The following PPP6R1 variants were observed in gnomAD, a reference collection of about 807,000 sequenced individuals.
PPP6R1 encodes the protein protein phosphatase 6 regulatory subunit 1.
PPP6R1 carries 39 observed loss-of-function variants against 104.6 expected under a neutral mutation model. The ratio of observed to expected loss-of-function variants is 0.37; its 90% CI spans 0.29 to 0.49. The LOEUF (loss-of-function observed/expected upper bound fraction) is 0.49. Ranked by LOEUF, PPP6R1 falls within the 20% of genes least tolerant of loss-of-function variation. PPP6R1 has a pLI of 0.98. For missense variants in PPP6R1, 1,181 were observed against 1,155.8 expected (o/e 1.02, Z -0.32); for synonymous variants, 549 against 479.0 (o/e 1.15, Z -1.91).
Position 55,231,893 on chromosome 19 carries a change from G to C in PPP6R1, c.2215C>G (p.Pro739Ala), listed in dbSNP as rs762539923. The C allele has an allele frequency of 1.3e-6, 2 of 1,516,972 alleles. No individual in the cohort carries two copies. The highest frequency in any genetic ancestry group is 1.4e-5 in the African/African-American group (1 of 72,216). The allele number at this position is 1,516,972 out of a possible 1,614,324, so 94.0% of individuals were successfully genotyped here. A position where few individuals can be genotyped will look rare whatever the true frequency, so the allele number is the denominator to read the frequency against. Reference protein sequence around the residue: ...VSGEEELHTGPPAPQGPLSVP... With the variant: ...VSGEEELHTGAPAPQGPLSVP... ...CTGAGGGGCCCCTGTGGGGCTGGAGGCCCAGTGTGCAGCTCTTCCTCCCCG... is the reference window on the plus strand; with the variant it reads ...CTGAGGGGCCCCTGTGGGGCTGGAGCCCCAGTGTGCAGCTCTTCCTCCCCG... Residue 739 changes from proline (P) to alanine (A), a missense_variant, in exon 19 of 24, where the codon CCT becomes GCT. Coordinates refer to ENST00000412770, the MANE Select transcript of PPP6R1 (RefSeq NM_014931.4).
chr19:55,250,837 A>C, intron 1 of PPP6R1, among the ~76,000 whole-genome samples: 1 of 149,704 alleles, frequency 6.7e-6, no homozygotes, highest in African/African-American at 2.5e-5. Context: ...GGCCCCCCAC[A>C]CTCGACCGCA....
At chr19:55,244,389 C>T (rs544716305) in intron 5 of PPP6R1, among the ~76,000 whole-genome samples, 4 of 152,308 alleles carry the variant, frequency 2.6e-5, no homozygotes, top group African/African-American at 9.6e-5. Flanking sequence ...GACATGGGGT[C>T]CCCCAGAGCT....
rs749712201 is a variant in PPP6R1 at position 55,241,739 on chromosome 19, C to G, written c.846-100G>C. ...CACGTCTGCAGGGTCTGGAGGAAAACGAGGAGCCACATGCCCCCAGCGCCG... is the reference window on the plus strand; with the variant it reads ...CACGTCTGCAGGGTCTGGAGGAAAAGGAGGAGCCACATGCCCCCAGCGCCG... On this transcript the variant is annotated intron_variant, in intron 7 of 23. Coordinates refer to ENST00000412770, the MANE Select transcript of PPP6R1 (RefSeq NM_014931.4). This position sits in a 1 kb window ranked among gnomAD's most constrained non-coding sequence, Gnocchi z 5.4. 1.5e-6 allele frequency: 2 copies of G among 1,365,576 alleles called. No individual in the cohort carries two copies. The highest frequency in any genetic ancestry group is 2.8e-5 in the Admixed American group (1 of 35,170). 84.6% of individuals were successfully genotyped at this position (1,365,576 alleles called of 1,614,324 possible). A position where few individuals can be genotyped will look rare whatever the true frequency, so the allele number is the denominator to read the frequency against.
At chr19:55,242,522 C>T (rs768839466) in intron 5 of PPP6R1, 34 bp from the exon 6 acceptor site, 44 of 1,558,268 alleles carry the variant, frequency 2.8e-5, no homozygotes, top group African/African-American at 1.8e-4. Flanking sequence ...GGATCCTGGT[C>T]GGGCCACCGG....
chr19:55,241,484 G>A lies in PPP6R1; in HGVS notation c.1001C>T (p.Pro334Leu), dbSNP rs778212958. 23 of 1,601,646 alleles carry A rather than the reference G, an allele frequency of 1.4e-5. No individual in the cohort carries two copies. Among genetic ancestry groups the A allele is most frequent in the Non-Finnish European group, 1.7e-5 (20 of 1,174,396 alleles). ...AGAACCCACACCCCTGACCTTGGGA[G>A]GCTCCAGCAGGAGCTGGTGGAAGCA... is the stretch of plus-strand genomic sequence containing the variant. ...LSCFHQLLLE[P>L]PKLEPLQMTW... The change falls in exon 8 of 24, where the codon CCT (proline) becomes CTT (leucine). Residue 334 changes from proline (P) to leucine (L), a missense_variant. Physicochemically the swap from Pro to Leu is moderately conservative, Grantham distance 98. This residue lies in a region of PPP6R1 where 1,042 missense variants were observed against 955.6 expected (regional missense o/e 1.09). Transcript: ENST00000412770. The surrounding 1 kb of genome is among the most constrained non-coding windows in gnomAD (Gnocchi z 5.4).
chr19:55,232,277 C>G, intron 17 of PPP6R1, 66 bp from the exon 18 acceptor site: 1 of 1,479,946 alleles, frequency 6.8e-7, no homozygotes, highest in Non-Finnish European at 9.0e-7. Context: ...ATCCTGTTCC[C>G]TGCAGCCCAG....
chr19:55,236,609 A>T (rs774630602), intron 17 of PPP6R1, 34 bp downstream of exon 17: 1 of 1,488,930 alleles, frequency 6.7e-7, no homozygotes, highest in South Asian at 1.4e-5. Context: ...CGTGTGGTGG[A>T]AGCTTGGAGA....
chr19:55,246,582 CAT>C (rs2087510635), intron 2 of PPP6R1, among the ~76,000 whole-genome samples: 1 of 152,224 alleles, frequency 6.6e-6, no homozygotes, highest in African/African-American at 2.4e-5. Context: ...CATGTCGTCA[CAT>C]GCCTGTGGTC....
At chr19:55,250,462 C>T (rs1362028865) in intron 1 of PPP6R1, among the ~76,000 whole-genome samples, 1 of 152,206 alleles carries the variant, frequency 6.6e-6, no homozygotes, top group Non-Finnish European at 1.5e-5. Context: ...CCAGCACTTG[C>T]TCTGCCTGAG....
chr19:55,230,578 C>G (rs755699423), intron 23 of PPP6R1, 35 bp downstream of exon 23: 8 of 1,613,238 alleles, frequency 5.0e-6, no homozygotes, highest in Non-Finnish European at 5.1e-6. Flanking sequence ...AGGCCCAGCC[C>G]CACCTACCCA....
intron 5 of PPP6R1, among the ~76,000 whole-genome samples, chr19:55,243,501 A>G (rs2087478744): frequency 6.6e-6 from 1 of 151,894 alleles, no homozygotes. Flanking sequence ...CTCTATCTCT[A>G]CAAATACAAA....
Position 55,258,415 on chromosome 19 carries a change from G to C in PPP6R1, c.-7+20C>G, listed in dbSNP as rs1417566502. 1 of 151,716 alleles carries C rather than the reference G, an allele frequency of 6.6e-6. No individual in the cohort carries two copies. The highest frequency in any genetic ancestry group is 2.4e-5 in the African/African-American group (1 of 41,380). The allele number at this position is 151,716 out of a possible 1,614,324, so 9.4% of individuals were successfully genotyped here. On this transcript the variant is annotated intron_variant, in intron 1 of 23. Coordinates refer to ENST00000412770, the MANE Select transcript of PPP6R1 (RefSeq NM_014931.4). Reference sequence around the variant, plus strand: ...CGCCTGGCCCTGGAGAGAGAGGGTCGGGCGACGCGGGCCGCTCACCTGCGA... The same window carrying C: ...CGCCTGGCCCTGGAGAGAGAGGGTCCGGCGACGCGGGCCGCTCACCTGCGA...
intron 1 of PPP6R1, chr19:55,255,762 T>A (rs11669313): frequency 0.063 from 9,553 of 152,588 alleles, 371 homozygotes; most frequent in South Asian, 0.17. Context: ...CCGGAGCTCT[T>A]CGAGTCTGAC....
chr19:55,257,944 G>A (rs1211279124), intron 1 of PPP6R1, among the ~76,000 whole-genome samples: 1 of 152,248 alleles, frequency 6.6e-6, no homozygotes, highest in Non-Finnish European at 1.5e-5. Context: ...GCGGGAGAGG[G>A]TCGGTCAAGG....
chr19:55,232,395 A>G, intron 17 of PPP6R1, 184 bp from the exon 18 acceptor site: 2 of 830,686 alleles, frequency 2.4e-6, no homozygotes, highest in Non-Finnish European at 3.5e-6. Flanking sequence ...GTTCTGAGCC[A>G]ACGGCAAGAA....
intron 21 of PPP6R1, 21 bp downstream of exon 21, chr19:55,231,389 C>T: frequency 6.4e-7 from 1 of 1,570,782 alleles, no homozygotes; most frequent in Non-Finnish European, 8.6e-7. Context: ...CGATACTAGG[C>T]AGCCCCACCT....
At position 55,239,877 on chromosome 19, in the gene PPP6R1, G is replaced by A. The variant is rs757276698; in HGVS notation, c.1512C>T (p.Ala504=). The A allele has an allele frequency of 1.2e-6, 2 of 1,613,942 alleles. No homozygotes were observed. Among genetic ancestry groups the A allele is most frequent in the Non-Finnish European group, 1.7e-6 (2 of 1,179,864 alleles). Residue 504 remains alanine, a synonymous_variant, in exon 13 of 24, where the codon GCC becomes GCT. Transcript: ENST00000412770. ...LPSEQQEQWE[A]FVSGPLAETN... ...TCTCCGCCAGGGGCCCCGATACGAAGGCTTCCCACTGCTCCTGCTGCTCGC... is the reference window on the plus strand; with the variant it reads ...TCTCCGCCAGGGGCCCCGATACGAAAGCTTCCCACTGCTCCTGCTGCTCGC...
intron 15 of PPP6R1, among the ~76,000 whole-genome samples, chr19:55,238,052 G>A (rs1191239737): frequency 1.3e-5 from 2 of 152,076 alleles, no homozygotes; most frequent in Admixed American, 6.6e-5. Context: ...TGCCAGGGTG[G>A]GGTTTTCTTC....
chr19:55,247,170 G>A, intron 1 of PPP6R1, 61 bp from the exon 2 acceptor site: 13 of 1,531,396 alleles, frequency 8.5e-6, no homozygotes, highest in Non-Finnish European at 1.1e-5. Context: ...CACTGGACGA[G>A]GCACTGACCA....
Sources: gnomAD v4.1 joint callset for allele counts (sites outside exome capture counted in the v4.1 genomes callset) on GRCh38, gnomAD v4.1.1 for gene constraint, gnomAD v4.1.1 regional missense constraint, Gnocchi (gnomAD v3.1) non-coding constraint, MANE v1.5 for transcripts, NCBI Gene and HGNC (gene_info 2026-07-23, HGNC 2026-07-21) for gene names.